BAZ1B: variants seen among roughly 807,000 people sequenced by gnomAD.
BAZ1B encodes tyrosine-protein kinase BAZ1B.
In BAZ1B, 22 loss-of-function variants were observed where a neutral mutation model predicts 153.8. That is an observed-to-expected ratio of 0.14 (90% CI 0.10 to 0.20). The LOEUF (loss-of-function observed/expected upper bound fraction) is 0.20. BAZ1B is among the 10% of genes least tolerant of loss of function. BAZ1B has a pLI of 1.00. For missense variants in BAZ1B, 1,325 were observed against 1,799.3 expected (o/e 0.74, Z 4.77); for synonymous variants, 676 against 633.4 (o/e 1.07, Z -1.01).
chr7:73,467,783 G>A (rs1788652252), intron 9 of BAZ1B, among the ~76,000 whole-genome samples: 1 of 152,116 alleles, frequency 6.6e-6, no homozygotes, highest in Non-Finnish European at 1.5e-5. Context: ...TTGTCTCGGG[G>A]ACACATTATA....
chr7:73,476,559 G>T (rs1789008842), intron 7 of BAZ1B, among the ~76,000 whole-genome samples: 1 of 152,148 alleles, frequency 6.6e-6, no homozygotes, highest in Admixed American at 6.5e-5. Flanking sequence ...CTGAACCCAG[G>T]TCAGTCAACT....
intron 1 of BAZ1B, among the ~76,000 whole-genome samples, chr7:73,520,707 C>G (rs1230461532): frequency 1.3e-5 from 2 of 152,188 alleles, no homozygotes; most frequent in Admixed American, 1.3e-4. Flanking sequence ...ATGAGATTAT[C>G]CTCTAAAGTA....
rs186029494 is a variant in BAZ1B at position 73,517,460 on chromosome 7, G to A, written c.107+4367C>T. ...CAGTAAGCCATGATCACACATCACT[G>A]CACTCCAGCCTGGGCAACAGAGTGA... On this transcript the variant is annotated intron_variant, in intron 1 of 19. Transcript: ENST00000339594. Among the ~76,000 whole-genome samples the A allele has an allele frequency of 4.6e-5, 7 of 152,050 alleles. No individual in the cohort carries two copies. The East Asian group carries it at 1.2e-3, about 25-fold the overall frequency.
intron 5 of BAZ1B, among the ~76,000 whole-genome samples, chr7:73,489,671 T>C (rs1288526167): frequency 1.3e-5 from 2 of 152,106 alleles, no homozygotes; most frequent in African/African-American, 2.4e-5. Flanking sequence ...AATACGCCAA[T>C]AGTCCTAGCT....
chr7:73,467,911 A>T (rs1022666802), intron 9 of BAZ1B, among the ~76,000 whole-genome samples: 4 of 152,212 alleles, frequency 2.6e-5, no homozygotes, highest in Non-Finnish European at 1.5e-5. Flanking sequence ...TAACGAAACC[A>T]GATTCTTCTA....
chr7:73,493,989 T>C (rs1475183840), intron 4 of BAZ1B, among the ~76,000 whole-genome samples: 7 of 152,260 alleles, frequency 4.6e-5, no homozygotes, highest in Admixed American at 3.3e-4. Flanking sequence ...AGAAAGGGCC[T>C]TGTATACCAT....
rs1554573229 is a variant in BAZ1B at position 73,478,523 on chromosome 7, G to A, written c.938C>T (p.Pro313Leu). ...GGATTTCTTTGAGGGCTTCCTGTCT[G>A]GGGATCCAGTATTCTTCCTCTTAGT... ...PSTKRKNTGS[P>L]DRKPSKKSKT... The change falls in exon 7 of 20, where the codon CCA becomes CTA. Residue 313 changes from proline (P) to leucine (L), a missense_variant. Pro to Leu is a moderately conservative substitution (Grantham distance 98). This residue lies in a region of BAZ1B where 219 missense variants were observed against 248.2 expected (regional missense o/e 0.88). Coordinates refer to ENST00000339594, the MANE Select transcript of BAZ1B (RefSeq NM_032408.4). 2 of 1,578,082 alleles carry A rather than the reference G, an allele frequency of 1.3e-6. No homozygotes were observed. The highest frequency in any genetic ancestry group is 1.4e-5 in the African/African-American group (1 of 73,192).
chr7:73,461,036 C>A (rs1261069378), intron 12 of BAZ1B, among the ~76,000 whole-genome samples: 1 of 151,698 alleles, frequency 6.6e-6, no homozygotes, highest in Non-Finnish European at 1.5e-5. Flanking sequence ...AGTGCAATGG[C>A]GCGATCTCAG....
Position 73,478,587 on chromosome 7 carries a change from G to T in BAZ1B, c.892-18C>A. ...GTCATATACTAGAATTTAAGAATAG[G>T]AGCAAAATTAATTTTAAAATCTAAA... On this transcript the variant is annotated intron_variant, in intron 6 of 19. Coordinates refer to ENST00000339594, the MANE Select transcript of BAZ1B (RefSeq NM_032408.4). 6.8e-7 allele frequency: 1 copy of T among 1,466,928 alleles called. No individual in the cohort carries two copies. Among genetic ancestry groups the T allele is most frequent in the South Asian group, 1.5e-5 (1 of 65,878 alleles). The allele number at this position is 1,466,928 out of a possible 1,614,324, so 90.9% of individuals were successfully genotyped here. A position where few individuals can be genotyped will look rare whatever the true frequency, so the allele number is the denominator to read the frequency against.
At position 73,494,447 on chromosome 7, in the gene BAZ1B, C is replaced by G. The variant is rs118023175; in HGVS notation, c.572-1526G>C. Among the ~76,000 whole-genome samples, 71 of 152,154 alleles carry G rather than the reference C, an allele frequency of 4.7e-4. 2 individuals are homozygous for G. In the East Asian group the frequency reaches 0.013, roughly 28 times the overall value. Reference sequence around the variant, plus strand: ...GATAAGGAAATTGGAAGATACAATGCTAAACATCTGAATTAGGCTGGGCAC... The same window carrying G: ...GATAAGGAAATTGGAAGATACAATGGTAAACATCTGAATTAGGCTGGGCAC... On this transcript the variant is annotated intron_variant, in intron 4 of 19. Transcript: ENST00000339594.
intron 3 of BAZ1B, among the ~76,000 whole-genome samples, chr7:73,500,205 C>G (rs1189553938): frequency 6.6e-6 from 1 of 152,078 alleles, no homozygotes; most frequent in African/African-American, 2.4e-5. Context: ...TCAGCCTCAA[C>G]AAAACTAAAA....
chr7:73,451,819 C>G (rs1788035039), intron 13 of BAZ1B, among the ~76,000 whole-genome samples: 1 of 152,174 alleles, frequency 6.6e-6, no homozygotes, highest in Non-Finnish European at 1.5e-5. Flanking sequence ...CTGTCTTCTC[C>G]CCTGATAAAA....
intron 5 of BAZ1B, among the ~76,000 whole-genome samples, chr7:73,490,956 G>A (rs1554575390): frequency 6.6e-6 from 1 of 151,414 alleles, no homozygotes; most frequent in Admixed American, 6.6e-5. Flanking sequence ...AAGAAACTCT[G>A]TGAAAAATTG....
chr7:73,442,837 A>C lies in BAZ1B; in HGVS notation c.3991-9T>G, dbSNP rs782179436. Reference sequence around the variant, plus strand: ...CGCTTGGTCTGAAGCACCTGGCAGGAAAGAAAGAACAATGTTATTACAGAT... The same window carrying C: ...CGCTTGGTCTGAAGCACCTGGCAGGCAAGAAAGAACAATGTTATTACAGAT... On this transcript the variant is annotated splice_polypyrimidine_tract_variant and intron_variant, in intron 17 of 19. Transcript: ENST00000339594. 7.9e-5 allele frequency: 127 copies of C among 1,605,924 alleles called. 1 individual carries two copies. Among genetic ancestry groups the C allele is most frequent in the Non-Finnish European group, 1.1e-4 (126 of 1,173,358 alleles).
Position 73,522,145 on chromosome 7 carries a change from C to T in BAZ1B, c.-212G>A, listed in dbSNP as rs1791087226. 1 of 400,280 alleles carries T rather than the reference C, an allele frequency of 2.5e-6. No homozygotes were observed. The highest frequency in any genetic ancestry group is 4.4e-6 in the Non-Finnish European group (1 of 228,422). The allele number at this position is 400,280 out of a possible 1,614,324, so 24.8% of individuals were successfully genotyped here. On this transcript the variant is annotated 5_prime_UTR_variant, in exon 1 of 20. In the 5' UTR this introduces an upstream ATG that the reference lacks. Transcript: ENST00000339594. ...CCACGGCGCAGAGCTCCCGCGCACA[C>T]CGCCGCGCCTCCCAGCAGCCCCCCG...
Position 73,478,468 on chromosome 7 carries a change from T to C in BAZ1B, c.993A>G (p.Pro331=). 1.9e-6 allele frequency: 3 copies of C among 1,611,556 alleles called. No homozygotes were observed. The highest frequency in any genetic ancestry group is 2.5e-6 in the Non-Finnish European group (3 of 1,178,962). ...CGTGACACCATAACTTAGGATTTAG[T>C]GGTGAACTAAGAGAAGAGTTGTCTG... ...SKTDNSSLSS[P]LNPKLWCHVH... The change falls in exon 7 of 20, where the codon CCA becomes CCG. Residue 331 remains proline (P), a synonymous_variant. Transcript: ENST00000339594.
rs1265198613 is a variant in BAZ1B at position 73,441,326 on chromosome 7, T to C, written c.*383A>G. 1 of 152,492 alleles carries C rather than the reference T, an allele frequency of 6.6e-6. No homozygotes were observed. The highest frequency in any genetic ancestry group is 1.5e-5 in the Non-Finnish European group (1 of 68,028). 9.4% of individuals were successfully genotyped at this position (152,492 alleles called of 1,614,324 possible). A position where few individuals can be genotyped will look rare whatever the true frequency, so the allele number is the denominator to read the frequency against. On this transcript the variant is annotated 3_prime_UTR_variant, in exon 20 of 20. Transcript: ENST00000339594. ...AAGCAACTTTTAATAACTAGAAAAG[T>C]CAATTTAAAAAAAAAATTAAACATT...
At chr7:73,514,868 T>TTAGGA (rs1790733211) in intron 1 of BAZ1B, among the ~76,000 whole-genome samples, 1 of 151,668 alleles carries the variant, frequency 6.6e-6, no homozygotes, top group South Asian at 2.1e-4. Context: ...GATCACGAGG[T>TTAGGA]TAGGAGTTCA....
At position 73,447,334 on chromosome 7, in the gene BAZ1B, C is replaced by T. The variant is rs1583884203; in HGVS notation, c.3774G>A (p.Glu1258=). 26 of 1,613,572 alleles carry T rather than the reference C, an allele frequency of 1.6e-5. No individual in the cohort carries two copies. The East Asian group carries it at 5.6e-4, about 35-fold the overall frequency. Residue 1258 remains glutamate (E), a synonymous_variant, in exon 16 of 20, where the codon GAG becomes GAA. Transcript: ENST00000339594. ...ESASEDSEDD[E]SDEEEEEEEE... is the part of the protein sequence containing the mutation. ...CTTCCTCCTCCTCCTCTTCATCACT[C>T]TCATCATCTTCACTGTCCTCAGAAG...
Sources: gnomAD v4.1 joint callset for allele counts (sites outside exome capture counted in the v4.1 genomes callset) on GRCh38, gnomAD v4.1.1 for gene constraint, gnomAD v4.1.1 regional missense constraint, MANE v1.5 for transcripts, NCBI Gene and HGNC (gene_info 2026-07-23, HGNC 2026-07-21) for gene names.